The following MAF variants were observed in gnomAD, a reference collection of about 807,000 sequenced individuals.
MAF encodes the protein MAF bZIP transcription factor.
In MAF, 10 loss-of-function variants were observed where a neutral mutation model predicts 22.0. The ratio of observed to expected loss-of-function variants is 0.45; its 90% CI spans 0.28 to 0.77. The LOEUF is 0.77. MAF is among the 30% of genes least tolerant of loss of function. MAF has a pLI of 0.12. For synonymous variants in MAF, 337 were observed against 255.8 expected, an observed-to-expected ratio of 1.32 and a Z score of -3.03; for missense variants, 544 against 548.4, an observed-to-expected ratio of 0.99 and a Z score of 0.08.
the MAF span, among the ~76,000 whole-genome samples, chr16:79,360,112 T>C: frequency 6.6e-6 from 1 of 152,144 alleles, no homozygotes; most frequent in Admixed American, 6.5e-5. Context: ...CAGGGAGCTG[T>C]CCATGAGAGA....
the MAF span, among the ~76,000 whole-genome samples, chr16:79,431,318 C>T: frequency 0.039 from 5,892 of 152,202 alleles, 337 homozygotes; most frequent in African/African-American, 0.12. Flanking sequence ...GAGTTAAGGG[C>T]CATGAAACCT....
chr16:79,307,655 A>G, the MAF span, among the ~76,000 whole-genome samples: 1 of 152,230 alleles, frequency 6.6e-6, no homozygotes, highest in Non-Finnish European at 1.5e-5. Context: ...AAAAATATAT[A>G]TAACCACACA....
chr16:79,399,353 C>A, the MAF span, among the ~76,000 whole-genome samples: 3 of 152,132 alleles, frequency 2.0e-5, no homozygotes, highest in Non-Finnish European at 4.4e-5. Context: ...ATCATCATCA[C>A]ATGTCTTGAA....
At chr16:79,294,794 A>G in the MAF span, among the ~76,000 whole-genome samples, 1 of 152,172 alleles carries the variant, frequency 6.6e-6, no homozygotes, top group African/African-American at 2.4e-5. Flanking sequence ...TCCAGCATTG[A>G]GCAACCTCAA....
chr16:79,419,159 C>T, the MAF span, among the ~76,000 whole-genome samples: 86,861 of 151,876 alleles, frequency 0.57, 25,465 homozygotes, highest in East Asian at 0.89. Context: ...GGTGTGCTGG[C>T]CAGGTAAGGG....
chr16:79,219,286 G>A, the MAF span, among the ~76,000 whole-genome samples: 1 of 152,120 alleles, frequency 6.6e-6, no homozygotes, highest in Non-Finnish European at 1.5e-5. Context: ...CTGATGCTGG[G>A]CATTCCCTGA....
the MAF span, among the ~76,000 whole-genome samples, chr16:79,453,473 T>C: frequency 5.9e-5 from 9 of 152,200 alleles, no homozygotes; most frequent in Non-Finnish European, 1.2e-4. Context: ...GTAGATAAAT[T>C]CCAAGCCATT....
In MAF at chr16:79,599,993, A is replaced by T; in HGVS notation, c.-91T>A. The T allele has an allele frequency of 1.3e-6, 2 of 1,569,478 alleles. No homozygotes were observed. Among genetic ancestry groups the T allele is most frequent in the Non-Finnish European group, 1.7e-6 (2 of 1,159,536 alleles). Reference sequence around the variant, plus strand: ...GGCTGTGCTGGGTGGCCAGCGGGTGAGCCAGCTTGCCGGGCTGGGGCGCTT... The same window carrying T: ...GGCTGTGCTGGGTGGCCAGCGGGTGTGCCAGCTTGCCGGGCTGGGGCGCTT... On this transcript the variant is annotated 5_prime_UTR_variant, in exon 1 of 2. Coordinates refer to ENST00000326043, the MANE Select transcript of MAF (RefSeq NM_005360.5).
the MAF span, among the ~76,000 whole-genome samples, chr16:79,372,810 C>A: frequency 2.0e-5 from 3 of 152,212 alleles, no homozygotes; most frequent in African/African-American, 7.2e-5. Flanking sequence ...CCACCTGGCA[C>A]CCTCTCAGCT....
the MAF span, among the ~76,000 whole-genome samples, chr16:79,466,930 G>C: frequency 2.0e-5 from 3 of 152,324 alleles, no homozygotes; most frequent in South Asian, 4.1e-4. Context: ...GGAGGAATCA[G>C]GTTTCCAGAG....
the MAF span, among the ~76,000 whole-genome samples, chr16:79,454,316 A>G: frequency 3.3e-5 from 5 of 152,154 alleles, no homozygotes; most frequent in Admixed American, 3.3e-4. Flanking sequence ...ATCAGGGTGA[A>G]AGGACAGTGA....
chr16:79,414,063 G>A, the MAF span, among the ~76,000 whole-genome samples: 9 of 152,132 alleles, frequency 5.9e-5, no homozygotes, highest in Non-Finnish European at 1.3e-4. Flanking sequence ...GCCTAGTCTA[G>A]TACTGCCTTT....
chr16:79,508,784 T>C, the MAF span, among the ~76,000 whole-genome samples: 3 of 152,078 alleles, frequency 2.0e-5, no homozygotes, highest in Admixed American at 6.5e-5. Context: ...GTCTCATAGG[T>C]TTCTATTTAT....
the MAF span, among the ~76,000 whole-genome samples, chr16:79,283,879 T>A: frequency 6.7e-6 from 1 of 150,336 alleles, no homozygotes; most frequent in African/African-American, 2.5e-5. Flanking sequence ...CATGCCAGTG[T>A]CTCCTGCACG....
At chr16:79,274,454 A>G in the MAF span, among the ~76,000 whole-genome samples, 14 of 152,122 alleles carry the variant, frequency 9.2e-5, no homozygotes, top group South Asian at 1.5e-3. Flanking sequence ...GGGGACCCCA[A>G]TGCAAATGCA....
At chr16:79,244,655 T>C in the MAF span, among the ~76,000 whole-genome samples, 3 of 152,098 alleles carry the variant, frequency 2.0e-5, no homozygotes, top group African/African-American at 2.4e-5. Context: ...AAGTAATTTA[T>C]AGATTCAGTG....
chr16:79,589,174 C>T (rs969459666), downstream of MAF, among the ~76,000 whole-genome samples: 4 of 152,076 alleles, frequency 2.6e-5, no homozygotes, highest in African/African-American at 4.8e-5. Context: ...AAGAAAAAGG[C>T]CCCTCATGGA....
the MAF span, among the ~76,000 whole-genome samples, chr16:79,259,581 A>G: frequency 6.6e-6 from 1 of 152,310 alleles, no homozygotes; most frequent in East Asian, 1.9e-4. Context: ...TGCTCCGTAA[A>G]TCATTGCTGG....
At chr16:79,402,684 C>T in the MAF span, among the ~76,000 whole-genome samples, 1 of 152,234 alleles carries the variant, frequency 6.6e-6, no homozygotes, top group Non-Finnish European at 1.5e-5. Context: ...AAGGGCCCAA[C>T]TGCTTGGCAG....
Sources: gnomAD v4.1 joint callset for allele counts (sites outside exome capture counted in the v4.1 genomes callset) on GRCh38, gnomAD v4.1.1 for gene constraint, MANE v1.5 for transcripts, NCBI Gene and HGNC (gene_info 2026-07-23, HGNC 2026-07-21) for gene names.